The following EDIL3 variants were observed in gnomAD, a reference collection of about 807,000 sequenced individuals.
EDIL3 encodes EGF like and discoidin domains 3, also known as EGF-like repeat and discoidin I-like domain-containing protein 3.
In EDIL3, 37 loss-of-function variants were observed where a neutral mutation model predicts 67.4. The observed-to-expected ratio is 0.55, with a 90% CI of 0.42 to 0.72. The LOEUF (loss-of-function observed/expected upper bound fraction) is 0.72, where lower values mean the gene tolerates loss of function less well. EDIL3 is among the 30% of genes least tolerant of loss of function. The probability of loss-of-function intolerance (pLI) is 0.00; values close to 1 mark genes in which losing one functional copy is unlikely to be tolerated. For missense variants in EDIL3, 527 were observed against 586.3 expected (o/e 0.90, Z 1.04); for synonymous variants, 195 against 196.3 (o/e 0.99, Z 0.05).
chr5:84,002,330 C>A (rs534605207), intron 9 of EDIL3, among the ~76,000 whole-genome samples: 2 of 152,086 alleles, frequency 1.3e-5, no homozygotes, highest in Non-Finnish European at 1.5e-5. Context: ...ACTAGTATCA[C>A]ACTAAATGGG....
intron 2 of EDIL3, among the ~76,000 whole-genome samples, chr5:84,248,487 T>G (rs1268603105): frequency 6.6e-6 from 1 of 152,192 alleles, no homozygotes; most frequent in Non-Finnish European, 1.5e-5. Flanking sequence ...CTCTATTCTT[T>G]CCCATGTCTA....
At chr5:84,193,391 A>C (rs1378882244) in intron 3 of EDIL3, among the ~76,000 whole-genome samples, 1 of 151,872 alleles carries the variant, frequency 6.6e-6, no homozygotes, top group Non-Finnish European at 1.5e-5. Context: ...TATTGGTGCC[A>C]TTCACTGAAA....
At chr5:84,129,901 G>A (rs1480493175) in intron 5 of EDIL3, among the ~76,000 whole-genome samples, 1 of 151,972 alleles carries the variant, frequency 6.6e-6, no homozygotes, top group Non-Finnish European at 1.5e-5. Flanking sequence ...TAAAAGATAA[G>A]ATATACTAAA....
rs773045150 is a variant in EDIL3, at chr5:83,963,319, T to C, written c.1179A>G (p.Thr393=). The C allele has an allele frequency of 6.2e-7, 1 of 1,609,556 alleles. No individual in the cohort carries two copies. Among genetic ancestry groups the C allele is most frequent in the Admixed American group, 1.7e-5 (1 of 59,620 alleles). ...CATGACCAAAATCTTTAGCTCCTTG[T>C]GTAATGATGCCAGTCACTTTGGTTG... ...LVPTKVTGII[T]QGAKDFGHVQ... Residue 393 remains threonine (T), a synonymous_variant, in exon 10 of 11, where the codon ACA becomes ACG. Transcript: ENST00000296591.
At position 84,105,455 on chromosome 5, in the gene EDIL3, T is replaced by TA. The variant is rs1747443525; in HGVS notation, c.651+1193_651+1194insT. Among the ~76,000 whole-genome samples, 3 of 152,178 alleles carry TA rather than the reference T, an allele frequency of 2.0e-5. No homozygotes were observed. In the South Asian group the frequency reaches 6.2e-4, roughly 32 times the overall value. ...TGGCCCAGTTTTTCAAGTATGGAAG[T>TA]CTTGCCTCTTAGCCATAAATCAATT... On this transcript the variant is annotated intron_variant, in intron 6 of 10. Coordinates refer to ENST00000296591, the MANE Select transcript of EDIL3 (RefSeq NM_005711.5).
intron 8 of EDIL3, among the ~76,000 whole-genome samples, chr5:84,064,106 G>C (rs563221509): frequency 2.0e-5 from 3 of 152,142 alleles, no homozygotes; most frequent in Non-Finnish European, 4.4e-5. Flanking sequence ...CCTTGAGTTG[G>C]ATAACCACTA....
intron 4 of EDIL3, among the ~76,000 whole-genome samples, chr5:84,151,895 C>T (rs182017736): frequency 6.6e-6 from 1 of 150,414 alleles, no homozygotes. Context: ...TTTTCTAGTT[C>T]TCTTTGCTGC....
intron 9 of EDIL3, among the ~76,000 whole-genome samples, chr5:83,999,667 C>T (rs1745291619): frequency 6.6e-6 from 1 of 151,794 alleles, no homozygotes; most frequent in Non-Finnish European, 1.5e-5. Context: ...CTCAAAGTGG[C>T]CAATCTAAGG....
intron 9 of EDIL3, among the ~76,000 whole-genome samples, chr5:83,997,899 C>G (rs1387558935): frequency 6.6e-6 from 1 of 152,112 alleles, no homozygotes; most frequent in Admixed American, 6.6e-5. Context: ...AATGCAACAC[C>G]AGGCAGAACT....
intron 9 of EDIL3, among the ~76,000 whole-genome samples, chr5:84,050,493 C>T (rs368509157): frequency 1.8e-4 from 27 of 152,106 alleles, no homozygotes; most frequent in South Asian, 4.1e-4. Flanking sequence ...GTGCACTGAG[C>T]GTGAGCTGAA....
At chr5:84,129,291 A>C (rs1747919149) in intron 5 of EDIL3, among the ~76,000 whole-genome samples, 1 of 152,138 alleles carries the variant, frequency 6.6e-6, no homozygotes, top group African/African-American at 2.4e-5. Flanking sequence ...ATACTTGCAT[A>C]GAGTTCTGGA....
chr5:84,119,212 GTT>G (rs66522256), intron 5 of EDIL3, among the ~76,000 whole-genome samples: 198 of 82,314 alleles, frequency 2.4e-3, no homozygotes, highest in East Asian at 0.02. Context: ...CATGCATTTG[GTT>G]TTTTTTTTTT....
At chr5:84,160,143 G>T (rs1289841492) in intron 4 of EDIL3, among the ~76,000 whole-genome samples, 5 of 152,134 alleles carry the variant, frequency 3.3e-5, no homozygotes, top group Non-Finnish European at 7.4e-5. Context: ...CTTTGTACTG[G>T]TTTTTTTGAC....
intron 1 of EDIL3, among the ~76,000 whole-genome samples, chr5:84,317,926 C>A (rs145061747): frequency 0.014 from 2,056 of 152,214 alleles, 54 homozygotes; most frequent in African/African-American, 0.047. Context: ...ATCGTCTCAG[C>A]CCAAAATCTC....
chr5:84,163,141 C>T (rs1748643620), intron 4 of EDIL3, among the ~76,000 whole-genome samples: 3 of 152,044 alleles, frequency 2.0e-5, no homozygotes, highest in African/African-American at 7.2e-5. Context: ...CAAAGAGTGA[C>T]TCTACTTTTA....
chr5:84,190,575 GTGTGTATATATATATATA>G (rs1743563014), intron 3 of EDIL3, among the ~76,000 whole-genome samples: 1 of 61,746 alleles, frequency 1.6e-5, no homozygotes, highest in Non-Finnish European at 3.2e-5. Flanking sequence ...GTGTGTGTGT[GTGTGTATATATATATATA>G]TATATATATA....
intron 1 of EDIL3, among the ~76,000 whole-genome samples, chr5:84,364,600 G>C (rs1309353682): frequency 6.6e-6 from 1 of 152,034 alleles, no homozygotes; most frequent in East Asian, 1.9e-4. Flanking sequence ...CTTAAAATGA[G>C]AAGATAATCC....
At chr5:83,981,970 A>G (rs1038855851) in intron 9 of EDIL3, among the ~76,000 whole-genome samples, 3 of 152,112 alleles carry the variant, frequency 2.0e-5, no homozygotes, top group African/African-American at 7.2e-5. Context: ...AAGCTACAAT[A>G]TTTCATAATT....
chr5:84,360,425 C>T (rs1178245110), intron 1 of EDIL3, among the ~76,000 whole-genome samples: 1 of 151,962 alleles, frequency 6.6e-6, no homozygotes, highest in African/African-American at 2.4e-5. Context: ...ACTTAAATAC[C>T]GAAGTTTGAC....
Sources: allele counts gnomAD v4.1 joint callset (sites outside exome capture counted in the v4.1 genomes callset), GRCh38; gene constraint gnomAD v4.1.1; transcripts MANE v1.5; gene names NCBI Gene and HGNC (gene_info 2026-07-23, HGNC 2026-07-21).